Variants in PCNX2 observed in about 807,000 individuals in gnomAD.
The protein encoded by PCNX2 is pecanex 2.
In PCNX2, 168 loss-of-function variants were observed where a neutral mutation model predicts 223.8. The ratio of observed to expected loss-of-function variants is 0.75; its 90% CI spans 0.66 to 0.85. The LOEUF is 0.85. Among genes scored for constraint, PCNX2 ranks in the 40% least tolerant of loss-of-function variants. The probability of loss-of-function intolerance (pLI) is 0.00; values close to 1 mark genes in which losing one functional copy is unlikely to be tolerated. For synonymous variants in PCNX2, 1,006 were observed against 1,052.6 expected (o/e 0.96, Z 0.86); for missense variants, 2,507 against 2,675.5 (o/e 0.94, Z 1.39).
chr1:233,168,106 T>C (rs887322717), intron 17 of PCNX2, among the ~76,000 whole-genome samples: 21 of 152,140 alleles, frequency 1.4e-4, no homozygotes, highest in African/African-American at 5.1e-4. Flanking sequence ...TGTTAGATAT[T>C]ACAAAAATGA....
rs867552090 is a variant in PCNX2, at chr1:233,199,102, G to C, written c.2975-72C>G. 10 of 1,382,100 alleles carry C rather than the reference G, an allele frequency of 7.2e-6. No homozygotes were observed. In the African/African-American group the frequency reaches 1.0e-4, roughly 14 times the overall value. 85.6% of individuals were successfully genotyped at this position (1,382,100 alleles called of 1,614,324 possible). A position where few individuals can be genotyped will look rare whatever the true frequency, so the allele number is the denominator to read the frequency against. On this transcript the variant is annotated intron_variant, in intron 14 of 33. Coordinates refer to ENST00000258229, the MANE Select transcript of PCNX2 (RefSeq NM_014801.4). ...AAATCAACAAATGTAAAACAGTGAA[G>C]AGATGGTTGCACATTCGCATACAAG...
At chr1:233,180,510 T>C (rs536140538) in intron 15 of PCNX2, among the ~76,000 whole-genome samples, 12 of 151,916 alleles carry the variant, frequency 7.9e-5, no homozygotes, top group African/African-American at 2.9e-4. Flanking sequence ...TAAATACTTT[T>C]CTGTCAAGAT....
chr1:233,010,199 G>T (rs1181809347), intron 28 of PCNX2, among the ~76,000 whole-genome samples: 1 of 152,224 alleles, frequency 6.6e-6, no homozygotes, highest in Non-Finnish European at 1.5e-5. Context: ...AGGAGGAGAA[G>T]TTGAGATGAT....
chr1:233,053,324 C>G (rs1489017969), intron 25 of PCNX2, among the ~76,000 whole-genome samples: 1 of 152,088 alleles, frequency 6.6e-6, no homozygotes, highest in African/African-American at 2.4e-5. Context: ...AGTCCCTGCA[C>G]TGGGGACATT....
chr1:233,089,037 C>T (rs1427404555), intron 23 of PCNX2, among the ~76,000 whole-genome samples: 1 of 152,004 alleles, frequency 6.6e-6, no homozygotes. Context: ...TGTTCTAATC[C>T]CTAAGCCACA....
At chr1:233,191,986 C>G (rs890511615) in intron 15 of PCNX2, among the ~76,000 whole-genome samples, 1 of 152,186 alleles carries the variant, frequency 6.6e-6, no homozygotes, top group Non-Finnish European at 1.5e-5. Flanking sequence ...ACCCCAAACT[C>G]CATCAATAAG....
chr1:233,283,030 A>G (rs377282043), intron 1 of PCNX2, among the ~76,000 whole-genome samples: 1 of 151,800 alleles, frequency 6.6e-6, no homozygotes, highest in Non-Finnish European at 1.5e-5. Context: ...CTAAAAAAAA[A>G]AATAATAATA....
intron 8 of PCNX2, among the ~76,000 whole-genome samples, chr1:233,242,843 T>C (rs1037356276): frequency 6.6e-6 from 1 of 152,242 alleles, no homozygotes; most frequent in Non-Finnish European, 1.5e-5. Flanking sequence ...TAGTTCATTT[T>C]GGCTCTGAAC....
chr1:233,139,609 A>C lies in PCNX2; in HGVS notation c.3659+105T>G, dbSNP rs75137371. The C allele has an allele frequency of 7.6e-7, 1 of 1,320,486 alleles. No homozygotes were observed. The highest frequency in any genetic ancestry group is 1.0e-6 in the Non-Finnish European group (1 of 971,932). 81.8% of individuals were successfully genotyped at this position (1,320,486 alleles called of 1,614,324 possible). A position where few individuals can be genotyped will look rare whatever the true frequency, so the allele number is the denominator to read the frequency against. The stretch of plus-strand genomic sequence containing the variant: ...ATGGCTTATTTTTACATGGCCAATC[A>C]CAGTCGGTAAAGGTTGGCTTCTTCT... On this transcript the variant is annotated intron_variant, in intron 20 of 33. Coordinates refer to ENST00000258229, the MANE Select transcript of PCNX2 (RefSeq NM_014801.4). This position sits in a 1 kb window ranked among gnomAD's most constrained non-coding sequence, Gnocchi z 4.4.
intron 21 of PCNX2, among the ~76,000 whole-genome samples, chr1:233,097,769 G>A (rs1342426954): frequency 2.0e-5 from 3 of 152,178 alleles, no homozygotes; most frequent in Non-Finnish European, 2.9e-5. Context: ...GAAACGGATA[G>A]TTCTAACACA....
intron 1 of PCNX2, among the ~76,000 whole-genome samples, chr1:233,272,337 T>C (rs1273327639): frequency 1.4e-5 from 2 of 144,720 alleles, no homozygotes; most frequent in African/African-American, 5.1e-5. Context: ...GCTAAGAACA[T>C]GAATAGACAA....
At chr1:233,201,904 A>C (rs573926919) in intron 13 of PCNX2, 1 of 176,404 alleles carries the variant, frequency 5.7e-6, no homozygotes, top group East Asian at 1.7e-4. Flanking sequence ...GAAATACCAG[A>C]AAGTCATCCC....
chr1:233,074,220 G>C lies in PCNX2; in HGVS notation c.4076+15841C>G, dbSNP rs534393468. On this transcript the variant is annotated intron_variant, in intron 23 of 33. Transcript: ENST00000258229. Reference sequence around the variant, plus strand: ...TCGAGGATTGTTCTATGGTCTAGTAGATGGTCCATTGTGGAGAATAGTTTA... The same window carrying C: ...TCGAGGATTGTTCTATGGTCTAGTACATGGTCCATTGTGGAGAATAGTTTA... Among the ~76,000 whole-genome samples the C allele has an allele frequency of 2.6e-5, 4 of 152,272 alleles. No homozygotes were observed. In the East Asian group the frequency reaches 7.7e-4, roughly 29 times the overall value.
Position 232,986,248 on chromosome 1 carries a change from G to C in PCNX2, c.6084C>G (p.Thr2028=), listed in dbSNP as rs1184051618. Residue 2028 remains threonine, a synonymous_variant, in exon 33 of 34, where the codon ACC becomes ACG. Transcript: ENST00000258229. The part of the protein sequence containing the change: ...RSSLGSSTSS[T]LSFLFGKRSF... ...TCCTCTTGCCGAAGAGGAAGCTCAGGGTGGAGCTGGTGGAGGAGCCCAGGC... is the reference window on the plus strand; with the variant it reads ...TCCTCTTGCCGAAGAGGAAGCTCAGCGTGGAGCTGGTGGAGGAGCCCAGGC... The C allele has an allele frequency of 1.3e-6, 2 of 1,559,952 alleles. No individual in the cohort carries two copies. Among genetic ancestry groups the C allele is most frequent in the African/African-American group, 2.7e-5 (2 of 73,542 alleles).
chr1:233,010,271 G>A (rs1182176273), intron 28 of PCNX2, among the ~76,000 whole-genome samples: 1 of 152,226 alleles, frequency 6.6e-6, no homozygotes, highest in African/African-American at 2.4e-5. Flanking sequence ...GTGGGTAGAT[G>A]GTAGATGGAG....
chr1:232,996,050 T>C (rs1330309407), intron 32 of PCNX2, among the ~76,000 whole-genome samples: 1 of 152,032 alleles, frequency 6.6e-6, no homozygotes. Flanking sequence ...TTAGTAGAGA[T>C]GGGGTTTCAC....
chr1:233,217,866 A>G (rs765843869), intron 12 of PCNX2, 33 bp downstream of exon 12: 3 of 1,613,562 alleles, frequency 1.9e-6, no homozygotes, highest in Non-Finnish European at 1.7e-6. Context: ...CAGACAGACA[A>G]GAAAAGCTAC....
At chr1:232,997,908 C>T (rs186564267) in intron 32 of PCNX2, among the ~76,000 whole-genome samples, 10 of 152,192 alleles carry the variant, frequency 6.6e-5, no homozygotes, top group Non-Finnish European at 1.2e-4. Context: ...AGTACATGGG[C>T]CAATAGCTAC....
intron 21 of PCNX2, among the ~76,000 whole-genome samples, chr1:233,098,051 A>G (rs1553287653): frequency 6.6e-6 from 1 of 152,140 alleles, no homozygotes; most frequent in Non-Finnish European, 1.5e-5. Context: ...TTCTTAGTTG[A>G]GTTATTAAGA....
Sources: allele counts gnomAD v4.1 joint callset (sites outside exome capture counted in the v4.1 genomes callset), GRCh38; gene constraint gnomAD v4.1.1; non-coding constraint Gnocchi (gnomAD v3.1); transcripts MANE v1.5; gene names NCBI Gene and HGNC (gene_info 2026-07-23, HGNC 2026-07-21).